Variants in SHISA9 observed in about 807,000 individuals in gnomAD.
SHISA9 encodes protein shisa-9.
In SHISA9, 13 loss-of-function variants were observed where a neutral mutation model predicts 38.0. The ratio of observed to expected loss-of-function variants is 0.34; its 90% CI spans 0.22 to 0.54. SHISA9 has a LOEUF of 0.54. Among genes scored for constraint, SHISA9 ranks in the 20% least tolerant of loss-of-function variants. SHISA9 has a pLI of 0.91. For synonymous variants in SHISA9, 275 were observed against 242.0 expected, an observed-to-expected ratio of 1.14 and a Z score of -1.27; for missense variants, 538 against 575.8, an observed-to-expected ratio of 0.93 and a Z score of 0.67.
At chr16:13,112,450 ATGGAGCTTTACCAAGG>A (rs2073988335) in intron 2 of SHISA9, among the ~76,000 whole-genome samples, 1 of 130,164 alleles carries the variant, frequency 7.7e-6, no homozygotes, top group Non-Finnish European at 1.6e-5. Flanking sequence ...TATTGGTTTT[ATGGAGCTTTACCAAGG>A]TTTTATGCCT....
chr16:13,234,264 A>G (rs1249618673), intron 4 of SHISA9, among the ~76,000 whole-genome samples: 1 of 152,232 alleles, frequency 6.6e-6, no homozygotes, highest in Non-Finnish European at 1.5e-5. Context: ...GCTTGATAGA[A>G]CATTACTTGA....
the SHISA9 span, among the ~76,000 whole-genome samples, chr16:13,338,029 C>CT: frequency 6.6e-6 from 1 of 152,172 alleles, no homozygotes; most frequent in Non-Finnish European, 1.5e-5. Flanking sequence ...GCAAGAATGC[C>CT]TAATACAGCT....
the SHISA9 span, among the ~76,000 whole-genome samples, chr16:13,289,411 G>A: frequency 1.3e-5 from 2 of 152,052 alleles, no homozygotes; most frequent in Non-Finnish European, 2.9e-5. Flanking sequence ...TGATGGGAAA[G>A]TTGATTGCTT....
At chr16:13,016,384 C>T (rs928757883) in intron 2 of SHISA9, among the ~76,000 whole-genome samples, 1 of 152,106 alleles carries the variant, frequency 6.6e-6, no homozygotes, top group African/African-American at 2.4e-5. Context: ...GATTTTAGAG[C>T]CATCTAAATA....
the SHISA9 span, among the ~76,000 whole-genome samples, chr16:13,415,891 A>T: frequency 1.3e-5 from 2 of 152,064 alleles, no homozygotes; most frequent in Non-Finnish European, 2.9e-5. Context: ...ACATACTGGA[A>T]GATTATATTT....
the SHISA9 span, among the ~76,000 whole-genome samples, chr16:13,403,332 T>C: frequency 6.6e-6 from 1 of 152,206 alleles, no homozygotes; most frequent in South Asian, 2.1e-4. Flanking sequence ...AGGACCTAAT[T>C]TTTAAATAGC....
rs562029882 is a variant in SHISA9, at chr16:13,081,322, G to A, written c.692-122072G>A. ...CAAAGCTGTGGGAAGGGATCATTTAGCACGGGAAGATGATGAGATGGCAAA... is the reference window on the plus strand; with the variant it reads ...CAAAGCTGTGGGAAGGGATCATTTAACACGGGAAGATGATGAGATGGCAAA... On this transcript the variant is annotated intron_variant, in intron 2 of 4. Transcript: ENST00000558583. Among the ~76,000 whole-genome samples the A allele has an allele frequency of 5.9e-5, 9 of 152,286 alleles. No individual in the cohort carries two copies. The East Asian group carries it at 1.7e-3, about 29-fold the overall frequency.
the SHISA9 span, among the ~76,000 whole-genome samples, chr16:13,249,995 A>G: frequency 6.6e-6 from 1 of 152,282 alleles, no homozygotes; most frequent in East Asian, 1.9e-4. Flanking sequence ...CGGTCTGCTG[A>G]GTAGCTGGGA....
chr16:13,101,697 C>T (rs987687386), intron 2 of SHISA9, among the ~76,000 whole-genome samples: 2 of 152,160 alleles, frequency 1.3e-5, no homozygotes, highest in Non-Finnish European at 2.9e-5. Context: ...TTTGAGGGAC[C>T]TCCATACTGT....
At chr16:13,454,831 C>T in the SHISA9 span, among the ~76,000 whole-genome samples, 1 of 152,290 alleles carries the variant, frequency 6.6e-6, no homozygotes, top group East Asian at 1.9e-4. Flanking sequence ...TCCCTGCTTA[C>T]TATTTACTTC....
At chr16:13,276,504 A>T in the SHISA9 span, among the ~76,000 whole-genome samples, 1 of 152,120 alleles carries the variant, frequency 6.6e-6, no homozygotes, top group Non-Finnish European at 1.5e-5. Flanking sequence ...TGTTTTCCAT[A>T]GTGCCTATAC....
chr16:13,450,207 C>A, the SHISA9 span, among the ~76,000 whole-genome samples: 1 of 152,158 alleles, frequency 6.6e-6, no homozygotes, highest in African/African-American at 2.4e-5. Context: ...AGGTAATTAA[C>A]TTTTCCTTTA....
In SHISA9 at chr16:13,122,979, G is replaced by A. The variant is rs572035768; in HGVS notation, c.692-80415G>A. 1.7e-3 allele frequency among the ~76,000 whole-genome samples: 265 copies of A among 151,784 alleles called. 2 individuals are homozygous for A. The highest frequency in any genetic ancestry group is 5.7e-3 in the African/African-American group (235 of 41,412). On this transcript the variant is annotated intron_variant, in intron 2 of 4. Transcript: ENST00000558583. ...GGAGAATTGCTTGAACCCGGGAAGC[G>A]GAGGTTGCAGTGAGCCGAGATTGTG...
At chr16:13,271,592 A>G in the SHISA9 span, among the ~76,000 whole-genome samples, 10 of 152,286 alleles carry the variant, frequency 6.6e-5, no homozygotes, top group Admixed American at 6.5e-4. Flanking sequence ...TCATGAATGA[A>G]CCTCAAATAT....
chr16:13,370,191 C>G, the SHISA9 span, among the ~76,000 whole-genome samples: 1 of 152,148 alleles, frequency 6.6e-6, no homozygotes, highest in Non-Finnish European at 1.5e-5. Flanking sequence ...GTTTTTACGC[C>G]TCCTGGCTTG....
chr16:13,379,475 G>C, the SHISA9 span, among the ~76,000 whole-genome samples: 1 of 152,206 alleles, frequency 6.6e-6, no homozygotes, highest in African/African-American at 2.4e-5. Flanking sequence ...TCCTGCTCCA[G>C]CCTGCCTTTC....
chr16:13,266,509 A>G, the SHISA9 span, among the ~76,000 whole-genome samples: 2 of 152,136 alleles, frequency 1.3e-5, no homozygotes, highest in Admixed American at 6.6e-5. Context: ...TGATGAGGGC[A>G]ATGTTGGTTC....
the SHISA9 span, among the ~76,000 whole-genome samples, chr16:13,540,550 T>G: frequency 6.6e-6 from 1 of 152,216 alleles, no homozygotes; most frequent in African/African-American, 2.4e-5. Context: ...ATATATACTT[T>G]ATTTCTACCT....
intron 2 of SHISA9, among the ~76,000 whole-genome samples, chr16:13,104,662 A>T (rs935283272): frequency 2.6e-5 from 4 of 152,190 alleles, no homozygotes; most frequent in Non-Finnish European, 5.9e-5. Flanking sequence ...ATTGGGAAAG[A>T]AAGTAGATTA....
Sources: allele counts gnomAD v4.1 joint callset (sites outside exome capture counted in the v4.1 genomes callset), GRCh38; gene constraint gnomAD v4.1.1; transcripts MANE v1.5; gene names NCBI Gene and HGNC (gene_info 2026-07-23, HGNC 2026-07-21).